The following IFT56 variants were observed in gnomAD, a reference collection of about 807,000 sequenced individuals.
IFT56 encodes intraflagellar transport 56.
At chr7:139,170,090 T>C in the IFT56 span, among the ~76,000 whole-genome samples, 1 of 152,132 alleles carries the variant, frequency 6.6e-6, no homozygotes, top group Non-Finnish European at 1.5e-5. Flanking sequence ...CAATGATATG[T>C]CAGTAAATTG....
chr7:139,139,327 TGTA>T, the IFT56 span, among the ~76,000 whole-genome samples: 1 of 152,230 alleles, frequency 6.6e-6, no homozygotes, highest in East Asian at 1.9e-4. Context: ...ACAACCCACT[TGTA>T]GTAAGAAAAT....
the IFT56 span, chr7:139,189,190 A>G: frequency 0.012 from 7,501 of 611,388 alleles, 91 homozygotes; most frequent in African/African-American, 0.031. Context: ...CTTTGTGAAT[A>G]CACAGTGAAA....
the IFT56 span, chr7:139,168,497 G>A: frequency 2.5e-6 from 2 of 799,378 alleles, no homozygotes; most frequent in Non-Finnish European, 4.3e-6. Flanking sequence ...AGGCTCTCCT[G>A]TAGCTCCTTT....
chr7:139,156,680 A>AT, the IFT56 span, among the ~76,000 whole-genome samples: 15 of 151,220 alleles, frequency 9.9e-5, no homozygotes, highest in South Asian at 2.1e-4. Context: ...GTCAAATTTT[A>AT]TTTTTTTTTC....
chr7:139,191,915 T>C, the IFT56 span: 1 of 152,328 alleles, frequency 6.6e-6, no homozygotes, highest in African/African-American at 2.4e-5. Context: ...TTTATAATTA[T>C]TTTTGTACCT....
the IFT56 span, among the ~76,000 whole-genome samples, chr7:139,185,763 A>T: frequency 1.3e-5 from 2 of 151,970 alleles, no homozygotes; most frequent in Non-Finnish European, 2.9e-5. Context: ...AATTAGTAAG[A>T]TGTACATGGA....
the IFT56 span, among the ~76,000 whole-genome samples, chr7:139,177,630 G>GTGTGTGTA: frequency 4.0e-4 from 61 of 150,912 alleles, 1 homozygote; most frequent in African/African-American, 1.1e-3. Context: ...GTGTGTGTGT[G>GTGTGTGTA]TATATATATC....
At chr7:139,181,247 T>G in the IFT56 span, 1 of 1,385,476 alleles carries the variant, frequency 7.2e-7, no homozygotes, top group Non-Finnish European at 1.0e-6. Flanking sequence ...ATTATCACAT[T>G]GCTGCATTGG....
the IFT56 span, chr7:139,173,771 G>T: frequency 1.2e-5 from 9 of 754,688 alleles, no homozygotes; most frequent in Non-Finnish European, 1.7e-5. Flanking sequence ...TGTTGGTCTG[G>T]CATGAAAGTT....
the IFT56 span, among the ~76,000 whole-genome samples, chr7:139,154,925 A>G: frequency 1.3e-5 from 2 of 152,158 alleles, no homozygotes; most frequent in South Asian, 2.1e-4. Flanking sequence ...GATTAATGCT[A>G]TCTTAATAAC....
At chr7:139,143,084 G>A in the IFT56 span, among the ~76,000 whole-genome samples, 37,672 of 151,736 alleles carry the variant, frequency 0.25, 8,442 homozygotes, top group African/African-American at 0.57. Context: ...TATTTATTCA[G>A]TGTTTCTTAG....
chr7:139,173,465 G>A, the IFT56 span: 3 of 646,716 alleles, frequency 4.6e-6, no homozygotes, highest in South Asian at 5.0e-5. Flanking sequence ...CTGACCTCAG[G>A]TGATCCACTC....
the IFT56 span, among the ~76,000 whole-genome samples, chr7:139,154,965 TG>T: frequency 6.6e-6 from 1 of 152,024 alleles, no homozygotes; most frequent in Non-Finnish European, 1.5e-5. Context: ...TCACATGGAA[TG>T]TTTTTCCATT....
the IFT56 span, among the ~76,000 whole-genome samples, chr7:139,159,177 G>A: frequency 1.3e-5 from 2 of 152,176 alleles, no homozygotes; most frequent in South Asian, 2.1e-4. Context: ...TATAAGATTG[G>A]CTTTTATATT....
chr7:139,165,811 G>T, the IFT56 span, among the ~76,000 whole-genome samples: 3 of 152,068 alleles, frequency 2.0e-5, no homozygotes, highest in African/African-American at 7.2e-5. Context: ...GTGGCATTTG[G>T]TCATGGGCCC....
the IFT56 span, among the ~76,000 whole-genome samples, chr7:139,136,952 A>T: frequency 6.6e-6 from 1 of 152,218 alleles, no homozygotes; most frequent in Non-Finnish European, 1.5e-5. Context: ...TCAAATTCAT[A>T]GCATTTGGTA....
chr7:139,163,161 G>A, the IFT56 span, among the ~76,000 whole-genome samples: 1 of 151,814 alleles, frequency 6.6e-6, no homozygotes, highest in East Asian at 1.9e-4. Flanking sequence ...TGATTAACAC[G>A]GTGAAACCCC....
At chr7:139,181,747 G>GT in the IFT56 span, among the ~76,000 whole-genome samples, 1 of 152,176 alleles carries the variant, frequency 6.6e-6, no homozygotes, top group African/African-American at 2.4e-5. Flanking sequence ...TATTCCTGTA[G>GT]TGAATACTGT....
At chr7:139,174,573 T>A in the IFT56 span, among the ~76,000 whole-genome samples, 1 of 151,564 alleles carries the variant, frequency 6.6e-6, no homozygotes, top group Non-Finnish European at 1.5e-5. Context: ...ATCAACAAAG[T>A]GAAATGAGAA....
Sources: gnomAD v4.1 joint callset for allele counts (sites outside exome capture counted in the v4.1 genomes callset) on GRCh38, gnomAD v4.1.1 for gene constraint, MANE v1.5 for transcripts, NCBI Gene and HGNC (gene_info 2026-07-23, HGNC 2026-07-21) for gene names.